Variants in POM121L2 observed in about 807,000 individuals in gnomAD.
POM121L2 encodes POM121-like protein 2.
For synonymous variants in POM121L2, 459 were observed against 483.8 expected (o/e 0.95, Z 0.67); for missense variants, 1,167 against 1,260.3 (o/e 0.93, Z 1.12).
At position 27,310,207 on chromosome 6, in the gene POM121L2, G is replaced by A; in HGVS notation, c.1964C>T (p.Thr655Ile). ...GTCGCAAGTGGAAGGGACAGAATAAGTGTTGCCTACGGCACTGGTGACATT... is the reference window on the plus strand; with the variant it reads ...GTCGCAAGTGGAAGGGACAGAATAAATGTTGCCTACGGCACTGGTGACATT... Reference protein sequence around the residue: ...VVNVTSAVGNTYSVPSTCDTF... With the variant: ...VVNVTSAVGNIYSVPSTCDTF... Residue 655 changes from threonine (T) to isoleucine (I), a missense_variant, in exon 1 of 1, where the codon ACT (threonine) becomes ATT (isoleucine). Transcript: ENST00000444565. 1 of 1,552,282 alleles carries A rather than the reference G, an allele frequency of 6.4e-7. No homozygotes were observed. The highest frequency in any genetic ancestry group is 8.7e-7 in the Non-Finnish European group (1 of 1,147,118).
In POM121L2 at chr6:27,310,186, C is replaced by G. The variant is rs1260434719; in HGVS notation, c.1985G>C (p.Cys662Ser). 1.3e-6 allele frequency: 2 copies of G among 1,552,058 alleles called. No individual in the cohort carries two copies. Among genetic ancestry groups the G allele is most frequent in the Non-Finnish European group, 1.7e-6 (2 of 1,147,106 alleles). Residue 662 changes from cysteine to serine, a missense_variant, in exon 1 of 1, where the codon TGC becomes TCC. Transcript: ENST00000444565. ...AGCAGTCCCAAGCAGGAAAGTGTCG[C>G]AAGTGGAAGGGACAGAATAAGTGTT... ...VGNTYSVPST[C>S]DTFLLGTAQA... is the part of the protein sequence containing the mutation.
chr6:27,309,280 T>C lies in POM121L2; in HGVS notation c.2891A>G (p.Lys964Arg). Residue 964 changes from lysine (K) to arginine (R), a missense_variant, in exon 1 of 1, where the codon AAG (lysine) becomes AGG (arginine). Coordinates refer to ENST00000444565, the MANE Select transcript of POM121L2 (RefSeq NM_033482.4). ...GTTTTGAGCAATGGGGGCCATAGTC[T>C]TTCTTGCAGAAATGCTGCCTCTCCC... ...SLGRGSISAR[K>R]TMAPIAQNTP... 1.9e-6 allele frequency: 3 copies of C among 1,551,530 alleles called. No homozygotes were observed. Among genetic ancestry groups the C allele is most frequent in the Non-Finnish European group, 1.7e-6 (2 of 1,146,828 alleles).
Position 27,310,460 on chromosome 6 carries a change from C to A in POM121L2, c.1711G>T (p.Gly571Cys). The change falls in exon 1 of 1, where the codon GGT (glycine) becomes TGT (cysteine). Residue 571 changes from glycine (G) to cysteine (C), a missense_variant. Transcript: ENST00000444565. ...GGCTTGAAGGTAGGAGTTAAGGTAC[C>A]CTGAATTGTGGAAAGGGAAGAGATT... ...SSISSLSTIQ[G>C]TLTPTFKPIF... 6.4e-7 allele frequency: 1 copy of A among 1,552,138 alleles called. No homozygotes were observed. The highest frequency in any genetic ancestry group is 8.7e-7 in the Non-Finnish European group (1 of 1,147,114).
chr6:27,311,987 G>A lies in POM121L2; in HGVS notation c.184C>T (p.Leu62=), dbSNP rs1327687372. 3.2e-6 allele frequency: 5 copies of A among 1,550,084 alleles called. No individual in the cohort carries two copies. The highest frequency in any genetic ancestry group is 1.4e-5 in the African/African-American group (1 of 73,130). ...RYRPVRRRPN[L]DPANPTTWLA... is the part of the protein sequence containing the mutation. ...CACGTGGTTGGATTGGCAGGATCCA[G>A]GTTTGGCCGCCTCCTCACAGGTCTA... Residue 62 remains leucine (L), a synonymous_variant, in exon 1 of 1, where the codon CTG becomes TTG. Coordinates refer to ENST00000444565, the MANE Select transcript of POM121L2 (RefSeq NM_033482.4).
At position 27,309,001 on chromosome 6, in the gene POM121L2, C is replaced by G. The variant is rs1380079888; in HGVS notation, c.*62G>C. The G allele has an allele frequency of 1.2e-5, 16 of 1,287,170 alleles. No homozygotes were observed. Among genetic ancestry groups the G allele is most frequent in the African/African-American group, 1.5e-5 (1 of 66,344 alleles). 79.7% of individuals were successfully genotyped at this position (1,287,170 alleles called of 1,614,324 possible). A position where few individuals can be genotyped will look rare whatever the true frequency, so the allele number is the denominator to read the frequency against. ...GTTTACTTTAGAAAATTGGAAGACACTGAGGTTTTTCAAAAACAATACTGA... is the reference window on the plus strand; with the variant it reads ...GTTTACTTTAGAAAATTGGAAGACAGTGAGGTTTTTCAAAAACAATACTGA... On this transcript the variant is annotated 3_prime_UTR_variant, in exon 1 of 1. Coordinates refer to ENST00000444565, the MANE Select transcript of POM121L2 (RefSeq NM_033482.4).
Position 27,309,481 on chromosome 6 carries a change from G to A in POM121L2, c.2690C>T (p.Pro897Leu), listed in dbSNP as rs1204448311. The A allele has an allele frequency of 3.2e-6, 5 of 1,551,890 alleles. No homozygotes were observed. Among genetic ancestry groups the A allele is most frequent in the South Asian group, 1.2e-5 (1 of 84,060 alleles). The change falls in exon 1 of 1, where the codon CCT becomes CTT. Residue 897 changes from proline to leucine, a missense_variant. Physicochemically the swap from Pro to Leu is moderately conservative, Grantham distance 98 (BLOSUM62 -3). Coordinates refer to ENST00000444565, the MANE Select transcript of POM121L2 (RefSeq NM_033482.4). ...GATCCCAGACTCATCACAGTCCATA[G>A]GGGTCACGAATCCCCCAAAAGTGAA... is the stretch of plus-strand genomic sequence containing the variant. Reference protein sequence around the residue: ...QPFTFGGFVTPMDCDESGIIM... With the variant: ...QPFTFGGFVTLMDCDESGIIM...
chr6:27,311,880 C>T, upstream of POM121L2: 1 of 1,551,726 alleles, frequency 6.4e-7, no homozygotes, highest in Non-Finnish European at 8.7e-7. Flanking sequence ...AGTAACTTTC[C>T]CACCAGTCTG....
At position 27,309,558 on chromosome 6, in the gene POM121L2, G is replaced by A. The variant is rs1286108224; in HGVS notation, c.2613C>T (p.Thr871=). The change falls in exon 1 of 1, where the codon ACC becomes ACT. Residue 871 remains threonine (T), a synonymous_variant. Coordinates refer to ENST00000444565, the MANE Select transcript of POM121L2 (RefSeq NM_033482.4). ...STTGFRIVIQ[T]HQSGAFGSVF... ...CTGAGCCAAAAGCCCCACTTTGGTG[G>A]GTCTGAATTACAATTCTAAACCCAG... The A allele has an allele frequency of 6.4e-7, 1 of 1,552,034 alleles. No individual in the cohort carries two copies. The highest frequency in any genetic ancestry group is 8.7e-7 in the Non-Finnish European group (1 of 1,147,074).
chr6:27,309,877 G>A lies in POM121L2; in HGVS notation c.2294C>T (p.Pro765Leu), dbSNP rs377730564. 66 of 1,551,660 alleles carry A rather than the reference G, an allele frequency of 4.3e-5. No individual in the cohort carries two copies. The African/African-American group carries it at 6.6e-4, about 15-fold the overall frequency. Residue 765 changes from proline (P) to leucine (L), a missense_variant, in exon 1 of 1, where the codon CCA becomes CTA. Physicochemically the swap from Pro to Leu is moderately conservative, Grantham distance 98. Coordinates refer to ENST00000444565, the MANE Select transcript of POM121L2 (RefSeq NM_033482.4). ...CTGGGGATTAGCTCCTTGGGATAGT[G>A]GGAAAGGTGGCCTTGAGCTTGATCC... ...PLGSSSRPPFPLSQGANPQPA... is the reference protein window; with the variant it reads ...PLGSSSRPPFLLSQGANPQPA...
chr6:27,311,759 C>T lies in POM121L2; in HGVS notation c.412G>A (p.Val138Ile). The change falls in exon 1 of 1, where the codon GTA becomes ATA. Residue 138 changes from valine (V) to isoleucine (I), a missense_variant. Transcript: ENST00000444565. Reference sequence around the variant, plus strand: ...GGCGGGAGTCCTGCAAGGGCAATTACATCTTCAGGAGAAGTGGAAGGGGGC... The same window carrying T: ...GGCGGGAGTCCTGCAAGGGCAATTATATCTTCAGGAGAAGTGGAAGGGGGC... ...RVPPSTSPEDVIALAGLPPSE... is the reference protein window; with the variant it reads ...RVPPSTSPEDIIALAGLPPSE... The T allele has an allele frequency of 6.4e-7, 1 of 1,551,826 alleles. No homozygotes were observed. The highest frequency in any genetic ancestry group is 1.2e-5 in the South Asian group (1 of 84,066).
rs1288096481 is a variant in POM121L2, at chr6:27,308,469, T to C, written c.*594A>G. On this transcript the variant is annotated 3_prime_UTR_variant, in exon 1 of 1. Coordinates refer to ENST00000444565, the MANE Select transcript of POM121L2 (RefSeq NM_033482.4). ...AGGTGAATGGATAAATGAACTGTGG[T>C]ATACTCATACAACTGAACACAATTA... is the stretch of plus-strand genomic sequence containing the variant. Among the ~76,000 whole-genome samples the C allele has an allele frequency of 6.6e-6, 1 of 152,212 alleles. No individual in the cohort carries two copies. Among genetic ancestry groups the C allele is most frequent in the Non-Finnish European group, 1.5e-5 (1 of 68,038 alleles).
At position 27,310,588 on chromosome 6, in the gene POM121L2, G is replaced by C. The variant is rs1399840322; in HGVS notation, c.1583C>G (p.Thr528Ser). 6.4e-7 allele frequency: 1 copy of C among 1,552,018 alleles called. No individual in the cohort carries two copies. Among genetic ancestry groups the C allele is most frequent in the Non-Finnish European group, 8.7e-7 (1 of 1,147,064 alleles). Reference sequence around the variant, plus strand: ...CGGTTTTAACATGAGGTGAGCAGAAGTTGCATCAGGAGGTGCAGATGCAGA... The same window carrying C: ...CGGTTTTAACATGAGGTGAGCAGAACTTGCATCAGGAGGTGCAGATGCAGA... ...HLSASAPPDA[T>S]SAHLMLKPIL... is the part of the protein sequence containing the mutation. Residue 528 changes from threonine (T) to serine (S), a missense_variant, in exon 1 of 1, where the codon ACT becomes AGT. Thr to Ser is a moderately conservative substitution (Grantham distance 58, BLOSUM62 1). Transcript: ENST00000444565.
rs921496715 is a variant in POM121L2 at position 27,310,958 on chromosome 6, A to T, written c.1213T>A (p.Leu405Met). ...TDLTQGANPQ[L>M]ENLRKMQKSL... is the part of the protein sequence containing the mutation. ...TTCTGCATTTTTCTTAAGTTTTCCA[A>T]CTGAGGATTTGCTCCCTGGGTTAGA... is the stretch of plus-strand genomic sequence containing the variant. Residue 405 changes from leucine to methionine, a missense_variant, in exon 1 of 1, where the codon TTG (leucine) becomes ATG (methionine). Leu to Met is a conservative substitution (Grantham distance 15, BLOSUM62 2). Transcript: ENST00000444565. 1.6e-5 allele frequency: 25 copies of T among 1,552,006 alleles called. No individual in the cohort carries two copies. The highest frequency in any genetic ancestry group is 1.9e-5 in the Non-Finnish European group (22 of 1,147,034).
In POM121L2 at chr6:27,309,588, A is replaced by G. The variant is rs1242008550; in HGVS notation, c.2583T>C (p.Ser861=). 5 of 1,551,772 alleles carry G rather than the reference A, an allele frequency of 3.2e-6. No individual in the cohort carries two copies. The South Asian group carries it at 4.8e-5, about 15-fold the overall frequency. The change falls in exon 1 of 1, where the codon AGT becomes AGC. Residue 861 remains serine, a synonymous_variant. Coordinates refer to ENST00000444565, the MANE Select transcript of POM121L2 (RefSeq NM_033482.4). Reference sequence around the variant, plus strand: ...GAATTACAATTCTAAACCCAGTTGTACTAGCTTGACTAATGGGAAAACCTG... The same window carrying G: ...GAATTACAATTCTAAACCCAGTTGTGCTAGCTTGACTAATGGGAAAACCTG... ...IPAGFPISQA[S]TTGFRIVIQT...
rs2113598222 is a variant in POM121L2 at position 27,311,354 on chromosome 6, T to G, written c.817A>C (p.Ser273Arg). 6.4e-7 allele frequency: 1 copy of G among 1,551,724 alleles called. No homozygotes were observed. The highest frequency in any genetic ancestry group is 1.2e-5 in the South Asian group (1 of 84,062). The change falls in exon 1 of 1, where the codon AGT (serine) becomes CGT (arginine). Residue 273 changes from serine (S) to arginine (R), a missense_variant. Ser to Arg is a moderately radical substitution (Grantham distance 110). Coordinates refer to ENST00000444565, the MANE Select transcript of POM121L2 (RefSeq NM_033482.4). ...CRNFSDPWKRSVPSVSFETPE... is the reference protein window; with the variant it reads ...CRNFSDPWKRRVPSVSFETPE... ...GTCTCGAATGATACACTGGGAACAC[T>G]TCTCTTCCAAGGGTCTGAGAAATTT...
rs1004947174 is a variant in POM121L2, at chr6:27,310,198, A to T, written c.1973T>A (p.Val658Asp). 3 of 1,552,102 alleles carry T rather than the reference A, an allele frequency of 1.9e-6. No individual in the cohort carries two copies. The African/African-American group carries it at 4.1e-5, about 21-fold the overall frequency. ...CAGGAAAGTGTCGCAAGTGGAAGGG[A>T]CAGAATAAGTGTTGCCTACGGCACT... ...VTSAVGNTYSVPSTCDTFLLG... is the reference protein window; with the variant it reads ...VTSAVGNTYSDPSTCDTFLLG... The change falls in exon 1 of 1, where the codon GTC (valine) becomes GAC (aspartate). Residue 658 changes from valine (V) to aspartate (D), a missense_variant. Coordinates refer to ENST00000444565, the MANE Select transcript of POM121L2 (RefSeq NM_033482.4).
chr6:27,309,000 A>C lies in POM121L2; in HGVS notation c.*63T>G. The C allele has an allele frequency of 8.0e-7, 1 of 1,257,736 alleles. No individual in the cohort carries two copies. Among genetic ancestry groups the C allele is most frequent in the Non-Finnish European group, 1.1e-6 (1 of 918,342 alleles). 77.9% of individuals were successfully genotyped at this position (1,257,736 alleles called of 1,614,324 possible). ...TGTTTACTTTAGAAAATTGGAAGAC[A>C]CTGAGGTTTTTCAAAAACAATACTG... is the stretch of plus-strand genomic sequence containing the variant. On this transcript the variant is annotated 3_prime_UTR_variant, in exon 1 of 1. Transcript: ENST00000444565.
At chr6:27,309,858 AT>A (rs1389057696) in intron 1 of POM121L2, 6 of 1,551,566 alleles carry the variant, frequency 3.9e-6, no homozygotes. Flanking sequence ...CAGGCTGGGG[AT>A]TAGCTCCTTG....
Position 27,310,781 on chromosome 6 carries a change from T to C in POM121L2, c.1390A>G (p.Thr464Ala). 1 of 1,551,758 alleles carries C rather than the reference T, an allele frequency of 6.4e-7. No individual in the cohort carries two copies. The highest frequency in any genetic ancestry group is 1.2e-5 in the South Asian group (1 of 84,054). Residue 464 changes from threonine (T) to alanine (A), a missense_variant, in exon 1 of 1, where the codon ACT becomes GCT. Coordinates refer to ENST00000444565, the MANE Select transcript of POM121L2 (RefSeq NM_033482.4). Reference sequence around the variant, plus strand: ...GAGGTGGGGGTCAGCAGGATGAAAGTAGCTGTGGGCTTTGAGTCTGGAGAG... The same window carrying C: ...GAGGTGGGGGTCAGCAGGATGAAAGCAGCTGTGGGCTTTGAGTCTGGAGAG... ...GTSPDSKPTA[T>A]FILLTPTSPT...
Sources: gnomAD v4.1 joint callset for allele counts (sites outside exome capture counted in the v4.1 genomes callset) on GRCh38, gnomAD v4.1.1 for gene constraint, MANE v1.5 for transcripts, NCBI Gene and HGNC (gene_info 2026-07-23, HGNC 2026-07-21) for gene names.